B3GALNT2: variants seen among roughly 807,000 people sequenced by gnomAD.
B3GALNT2 encodes beta-1,3-N-acetylgalactosaminyltransferase 2, also known as UDP-GalNAc:beta-1,3-N-acetylgalactosaminyltransferase 2.
B3GALNT2 carries 53 observed loss-of-function variants against 61.1 expected under a neutral mutation model. That is an observed-to-expected ratio of 0.87 (90% confidence interval 0.70 to 1.09). The LOEUF (loss-of-function observed/expected upper bound fraction) is 1.09. Among genes scored for constraint, B3GALNT2 ranks in the 50% least tolerant of loss-of-function variants. The pLI is 0.00. For synonymous variants in B3GALNT2, 223 were observed against 237.4 expected (o/e 0.94, Z 0.56); for missense variants, 544 against 623.0 (o/e 0.87, Z 1.35).
chr1:235,454,195 C>G lies in B3GALNT2; in HGVS notation c.1272G>C (p.Lys424Asn), dbSNP rs763128655. Residue 424 changes from lysine to asparagine, a missense_variant, in exon 10 of 12, where the codon AAG (lysine) becomes AAC (asparagine). Coordinates refer to ENST00000366600, the MANE Select transcript of B3GALNT2 (RefSeq NM_152490.5). Reference protein sequence around the residue: ...SGYVISKDIVKWLASNSGRLK... With the variant: ...SGYVISKDIVNWLASNSGRLK... Reference sequence around the variant, plus strand: ...ACCTCCCCGAGTTGCTTGCCAGCCACTTGACGATGTCCTTGGAGATCACAT... The same window carrying G: ...ACCTCCCCGAGTTGCTTGCCAGCCAGTTGACGATGTCCTTGGAGATCACAT... The G allele has an allele frequency of 1.9e-6, 3 of 1,612,584 alleles. No homozygotes were observed. The South Asian group carries it at 3.3e-5, about 18-fold the overall frequency.
chr1:235,489,400 T>C (rs1288975823), intron 2 of B3GALNT2, 132 bp from the exon 3 acceptor site: 15 of 1,382,270 alleles, frequency 1.1e-5, no homozygotes, highest in Non-Finnish European at 1.4e-5. Context: ...CCTTTATTCT[T>C]CTAGTCAGAC....
Position 235,484,312 on chromosome 1 carries a change from C to G in B3GALNT2, c.555+10G>C, listed in dbSNP as rs1684695423. 1 of 1,607,136 alleles carries G rather than the reference C, an allele frequency of 6.2e-7. No individual in the cohort carries two copies. The highest frequency in any genetic ancestry group is 8.5e-7 in the Non-Finnish European group (1 of 1,177,162). ...AAAAAGAGAAAAAACCTGTACAGAG[C>G]AGTGCATACCTCTTGTTCTGCCTGA... On this transcript the variant is annotated intron_variant, in intron 4 of 11. Coordinates refer to ENST00000366600, the MANE Select transcript of B3GALNT2 (RefSeq NM_152490.5).
chr1:235,451,309 A>G (rs1682881976), intron 11 of B3GALNT2: 1 of 152,142 alleles, frequency 6.6e-6, no homozygotes, highest in Non-Finnish European at 1.5e-5. Context: ...TGGGGCTGGT[A>G]GTCAGTCTGT....
At chr1:235,463,416 A>T (rs1683522760) in intron 7 of B3GALNT2, 1 of 151,402 alleles carries the variant, frequency 6.6e-6, no homozygotes. Flanking sequence ...TATATATGCA[A>T]TCCCTTAAAA....
At chr1:235,454,337 C>T (rs1160909373) in intron 9 of B3GALNT2, 22 bp from the exon 10 acceptor site, 1 of 1,594,890 alleles carries the variant, frequency 6.3e-7, no homozygotes, top group South Asian at 1.1e-5. Context: ...AATAATGTGG[C>T]CTCTTGTGTT....
chr1:235,477,539 C>A (rs1367269057), intron 5 of B3GALNT2, among the ~76,000 whole-genome samples: 1 of 150,022 alleles, frequency 6.7e-6, no homozygotes, highest in Admixed American at 6.7e-5. Context: ...TTTGCTGCAC[C>A]CCATGTGACT....
chr1:235,491,694 C>T (rs1232699743), intron 2 of B3GALNT2, among the ~76,000 whole-genome samples: 1 of 152,150 alleles, frequency 6.6e-6, no homozygotes, highest in African/African-American at 2.4e-5. Flanking sequence ...CCCCTCTGAT[C>T]TCTGTAGATC....
chr1:235,487,149 G>A (rs1346372391), intron 3 of B3GALNT2, among the ~76,000 whole-genome samples: 7 of 141,014 alleles, frequency 5.0e-5, no homozygotes, highest in South Asian at 2.4e-4. Flanking sequence ...TGACAAGAGC[G>A]AAACTCTGTC....
chr1:235,458,548 A>G, intron 8 of B3GALNT2, 55 bp downstream of exon 8: 1 of 1,530,456 alleles, frequency 6.5e-7, no homozygotes, highest in Non-Finnish European at 8.7e-7. Context: ...CATCTCAAAA[A>G]AAAAAAAACT....
At chr1:235,446,585 T>A (rs1317961906), downstream of B3GALNT2, among the ~76,000 whole-genome samples, 1 of 152,168 alleles carries the variant, frequency 6.6e-6, no homozygotes, top group Non-Finnish European at 1.5e-5. Context: ...ATCAGCTATT[T>A]CCATATTTTC....
chr1:235,482,738 G>A (rs1684615727), intron 4 of B3GALNT2, among the ~76,000 whole-genome samples: 1 of 152,066 alleles, frequency 6.6e-6, no homozygotes, highest in Non-Finnish European at 1.5e-5. Flanking sequence ...GAGATGGGCG[G>A]ATAGCTTGAG....
rs1684432476 is a variant in B3GALNT2 at position 235,479,009 on chromosome 1, TGA to T, written c.651+1043_651+1044del. 2.6e-5 allele frequency: 4 copies of T among 152,240 alleles called. No homozygotes were observed. In the South Asian group the frequency reaches 8.3e-4, roughly 32 times the overall value. The allele number at this position is 152,240 out of a possible 1,614,324, so 9.4% of individuals were successfully genotyped here. A position where few individuals can be genotyped will look rare whatever the true frequency, so the allele number is the denominator to read the frequency against. On this transcript the variant is annotated intron_variant, in intron 5 of 11. Coordinates refer to ENST00000366600, the MANE Select transcript of B3GALNT2 (RefSeq NM_152490.5). ...GCAGGCTATCCTATAAGCAGTATGCTGAGAGTAGCGTATTCAGAAGTTTTTAA... is the reference window on the plus strand; with the variant it reads ...GCAGGCTATCCTATAAGCAGTATGCTGAGTAGCGTATTCAGAAGTTTTTAA...
At chr1:235,474,985 A>ATTTTT (rs1558425516) in intron 5 of B3GALNT2, among the ~76,000 whole-genome samples, 24 of 37,782 alleles carry the variant, frequency 6.4e-4, no homozygotes, top group South Asian at 1.0e-3. Flanking sequence ...ATATATATAT[A>ATTTTT]TATTTTTTTT....
intron 11 of B3GALNT2, 57 bp from the exon 12 acceptor site, chr1:235,450,397 A>C (rs1392558886): frequency 7.0e-6 from 11 of 1,571,844 alleles, no homozygotes; most frequent in Non-Finnish European, 9.6e-6. Flanking sequence ...TAAGAGCATC[A>C]GAAAGTATGC....
Position 235,447,923 on chromosome 1 carries a change from A to AAGAT in B3GALNT2, c.*2279_*2282dup, listed in dbSNP as rs1433630649. On this transcript the variant is annotated 3_prime_UTR_variant, in exon 12 of 12. Transcript: ENST00000366600. ...GGGTAAAGTGACTTGGGTAAAATGA[A>AAGAT]AGATACAGCCAGGCGCTGGGCTCAT... 1.3e-5 allele frequency among the ~76,000 whole-genome samples: 2 copies of AAGAT among 151,878 alleles called. No individual in the cohort carries two copies. Among genetic ancestry groups the AAGAT allele is most frequent in the African/African-American group, 2.4e-5 (1 of 41,168 alleles).
In B3GALNT2 at chr1:235,449,078, A is replaced by AGT; in HGVS notation, c.*1127_*1128insAC. The AGT allele has an allele frequency of 3.0e-6, 1 of 328,352 alleles. No individual in the cohort carries two copies. Among genetic ancestry groups the AGT allele is most frequent in the Admixed American group, 4.5e-5 (1 of 22,402 alleles). The allele number at this position is 328,352 out of a possible 1,614,324, so 20.3% of individuals were successfully genotyped here. A position where few individuals can be genotyped will look rare whatever the true frequency, so the allele number is the denominator to read the frequency against. ...CTAGCTAGCCTAATAAAATCTGAAC[A>AGT]CAGTTAATATCTGTCATAAGACTAG... On this transcript the variant is annotated 3_prime_UTR_variant, in exon 12 of 12. Coordinates refer to ENST00000366600, the MANE Select transcript of B3GALNT2 (RefSeq NM_152490.5).
downstream of B3GALNT2, chr1:235,443,047 T>C (rs1682002072): frequency 1.2e-6 from 1 of 855,474 alleles, no homozygotes; most frequent in South Asian, 1.5e-5. Context: ...GTCTTTTATA[T>C]TCTAAAATAC....
chr1:235,484,104 T>C (rs1039386669), intron 4 of B3GALNT2, among the ~76,000 whole-genome samples: 8 of 152,248 alleles, frequency 5.3e-5, no homozygotes, highest in East Asian at 1.9e-4. Flanking sequence ...GTCAACTCCT[T>C]CTCTTCTAGA....
At chr1:235,470,780 T>G in intron 6 of B3GALNT2, 70 bp downstream of exon 6, 3 of 1,560,840 alleles carry the variant, frequency 1.9e-6, no homozygotes, top group Non-Finnish European at 2.6e-6. Context: ...CTAAGGTAAA[T>G]TTTAGAACAA....
Sources: gnomAD v4.1 joint callset for allele counts (sites outside exome capture counted in the v4.1 genomes callset) on GRCh38, gnomAD v4.1.1 for gene constraint, MANE v1.5 for transcripts, NCBI Gene and HGNC (gene_info 2026-07-23, HGNC 2026-07-21) for gene names.